HPGD: variants seen among roughly 807,000 people sequenced by gnomAD.
The protein encoded by HPGD is 15-hydroxyprostaglandin dehydrogenase, also known as 15-hydroxyprostaglandin dehydrogenase [NAD(+)].
In HPGD, 29 loss-of-function variants were observed where a neutral mutation model predicts 30.0. That is an observed-to-expected ratio of 0.97 (90% CI 0.72 to 1.32). The LOEUF (loss-of-function observed/expected upper bound fraction) is 1.32, where lower values mean the gene tolerates loss of function less well. Among genes scored for constraint, HPGD ranks in the 40% most tolerant of loss-of-function variants. HPGD has a pLI of 0.00. For missense variants in HPGD, 340 were observed against 322.1 expected (o/e 1.06, Z -0.43); for synonymous variants, 99 against 112.4 (o/e 0.88, Z 0.75).
chr4:174,495,523 G>A (rs752226230), intron 5 of HPGD, 25 bp downstream of exon 5: 1 of 1,530,030 alleles, frequency 6.5e-7, no homozygotes, highest in South Asian at 1.1e-5. Context: ...GAGAAAATGA[G>A]ATATGACGGT....
intron 3 of HPGD, among the ~76,000 whole-genome samples, chr4:174,513,815 A>G (rs1302566274): frequency 6.6e-6 from 1 of 152,066 alleles, no homozygotes; most frequent in Admixed American, 6.5e-5. Context: ...TTAAAAAATC[A>G]TCAGACAGCA....
intron 3 of HPGD, among the ~76,000 whole-genome samples, chr4:174,509,052 G>A (rs1051029849): frequency 3.9e-5 from 6 of 152,152 alleles, no homozygotes; most frequent in African/African-American, 1.2e-4. Context: ...GCTACAGGTT[G>A]TATTCCAAAA....
chr4:174,522,472 G>T lies in HPGD; in HGVS notation c.-21C>A. The T allele has an allele frequency of 1.3e-6, 2 of 1,528,624 alleles. No individual in the cohort carries two copies. The highest frequency in any genetic ancestry group is 1.8e-6 in the Non-Finnish European group (2 of 1,132,420). The allele number at this position is 1,528,624 out of a possible 1,614,324, so 94.7% of individuals were successfully genotyped here. The stretch of plus-strand genomic sequence containing the variant: ...TGCATGGTGCAGCCACTGCTGGGGC[G>T]GGCGGTGGGCGAGCTCCGCGTCTCC... On this transcript the variant is annotated 5_prime_UTR_variant, in exon 1 of 7. Coordinates refer to ENST00000296522, the MANE Select transcript of HPGD (RefSeq NM_000860.6).
chr4:174,510,512 T>A (rs2555630), intron 3 of HPGD, among the ~76,000 whole-genome samples: 8,735 of 152,326 alleles, frequency 0.057, 826 homozygotes, highest in African/African-American at 0.2. Context: ...GACACCCCAC[T>A]GTTGTGTTTT....
chr4:174,507,190 C>T (rs913616219), intron 4 of HPGD: 40 of 152,032 alleles, frequency 2.6e-4, no homozygotes, highest in African/African-American at 7.5e-4. Context: ...ATTGCCCGTG[C>T]GCTCACCTTT....
chr4:174,493,065 A>G lies in HPGD; in HGVS notation c.662+86T>C. 4 of 1,242,380 alleles carry G rather than the reference A, an allele frequency of 3.2e-6. No individual in the cohort carries two copies. In the East Asian group the frequency reaches 1.0e-4, roughly 32 times the overall value. 77.0% of individuals were successfully genotyped at this position (1,242,380 alleles called of 1,614,324 possible). ...AAGCTTGTGTTCATTTCTCAACTGT[A>G]TAAGCTTATTTCTTCCCTTTTTATA... On this transcript the variant is annotated intron_variant, in intron 6 of 6. Coordinates refer to ENST00000296522, the MANE Select transcript of HPGD (RefSeq NM_000860.6).
At chr4:174,497,568 CTTTTTTTTTT>C (rs778825547) in intron 4 of HPGD, among the ~76,000 whole-genome samples, 16 of 51,106 alleles carry the variant, frequency 3.1e-4, no homozygotes, top group East Asian at 7.2e-4. Flanking sequence ...CTTTTTCTTT[CTTTTTTTTTT>C]TTTTTTTTTT....
In HPGD at chr4:174,491,897, T is replaced by G. The variant is rs376494010; in HGVS notation, c.*59A>C. Reference sequence around the variant, plus strand: ...TTTAAAAGCTATATTCAAATGAAGATAGGATCTGAATATAAGCTATTTGTG... The same window carrying G: ...TTTAAAAGCTATATTCAAATGAAGAGAGGATCTGAATATAAGCTATTTGTG... On this transcript the variant is annotated 3_prime_UTR_variant, in exon 7 of 7. Transcript: ENST00000296522. 21 of 1,405,204 alleles carry G rather than the reference T, an allele frequency of 1.5e-5. No individual in the cohort carries two copies. The highest frequency in any genetic ancestry group is 1.1e-4 in the African/African-American group (8 of 70,988). The allele number at this position is 1,405,204 out of a possible 1,614,324, so 87.0% of individuals were successfully genotyped here.
In HPGD at chr4:174,502,560, C is replaced by T. The variant is rs761021722; in HGVS notation, c.421+6136G>A. Among the ~76,000 whole-genome samples, 17 of 152,120 alleles carry T rather than the reference C, an allele frequency of 1.1e-4. 1 individual carries two copies. Among genetic ancestry groups the T allele is most frequent in the Non-Finnish European group, 2.1e-4 (14 of 67,982 alleles). On this transcript the variant is annotated intron_variant, in intron 4 of 6. Coordinates refer to ENST00000296522, the MANE Select transcript of HPGD (RefSeq NM_000860.6). ...AGGCGTGGTGGCGGGCGCCTGTAGT[C>T]TCAGCTACTCAGGAGGCTGAGGCAG...
chr4:174,506,409 G>GGATAAA (rs1735193714), intron 4 of HPGD, among the ~76,000 whole-genome samples: 1 of 152,062 alleles, frequency 6.6e-6, no homozygotes, highest in African/African-American at 2.4e-5. Context: ...TGTTAGGCTG[G>GGATAAA]GATAAATACA....
chr4:174,497,002 T>C (rs560476289), intron 4 of HPGD, among the ~76,000 whole-genome samples: 48 of 152,318 alleles, frequency 3.2e-4, no homozygotes, highest in South Asian at 3.1e-3. Flanking sequence ...CAACAAGAAT[T>C]TATGATGTTT....
intron 3 of HPGD, among the ~76,000 whole-genome samples, chr4:174,510,801 T>C (rs181965103): frequency 7.2e-5 from 11 of 152,294 alleles, no homozygotes; most frequent in Non-Finnish European, 1.0e-4. Flanking sequence ...CTAGATTATA[T>C]ACGCATGTGC....
intron 3 of HPGD, among the ~76,000 whole-genome samples, chr4:174,517,542 T>C (rs1735853431): frequency 6.6e-6 from 1 of 152,216 alleles, no homozygotes; most frequent in African/African-American, 2.4e-5. Context: ...AATTCTTAAA[T>C]GAATGACTGT....
rs1247167486 is a variant in HPGD, at chr4:174,493,271, A to G, written c.542T>C (p.Ile181Thr). The change falls in exon 6 of 7, where the codon ATT (isoleucine) becomes ACT (threonine). Residue 181 changes from isoleucine (I) to threonine (T), a missense_variant. Coordinates refer to ENST00000296522, the MANE Select transcript of HPGD (RefSeq NM_000860.6). ...LMNSGVRLNA[I>T]CPGFVNTAIL... Reference sequence around the variant, plus strand: ...GGCTGTGTTAACAAAGCCTGGACAAATGGCATTCAGTCTCACACCACTGTT... The same window carrying G: ...GGCTGTGTTAACAAAGCCTGGACAAGTGGCATTCAGTCTCACACCACTGTT... The G allele has an allele frequency of 6.2e-7, 1 of 1,613,356 alleles. No individual in the cohort carries two copies. Among genetic ancestry groups the G allele is most frequent in the South Asian group, 1.1e-5 (1 of 91,070 alleles).
In HPGD at chr4:174,511,366, T is replaced by A. The variant is rs181298425; in HGVS notation, c.325-2574A>T. ...ACTGTTCAAGGTCATTGCCAAGGTC[T>A]AATTTTTAACTCATGCAAAAATTCA... is the stretch of plus-strand genomic sequence containing the variant. On this transcript the variant is annotated intron_variant, in intron 3 of 6. Transcript: ENST00000296522. Among the ~76,000 whole-genome samples, 107 of 152,378 alleles carry A rather than the reference T, an allele frequency of 7.0e-4. 4 individuals carry two copies. The East Asian group carries it at 0.011, about 15-fold the overall frequency.
At chr4:174,499,630 A>G (rs1734807292) in intron 4 of HPGD, among the ~76,000 whole-genome samples, 1 of 152,092 alleles carries the variant, frequency 6.6e-6, no homozygotes, top group African/African-American at 2.4e-5. Flanking sequence ...AACAGATCTT[A>G]TGGAGGCTGC....
At chr4:174,499,171 CG>C (rs1412406514) in intron 4 of HPGD, among the ~76,000 whole-genome samples, 1 of 152,084 alleles carries the variant, frequency 6.6e-6, no homozygotes, top group Non-Finnish European at 1.5e-5. Flanking sequence ...TAAGTGTGCA[CG>C]GTATGACTCT....
rs758529841 is a variant in HPGD, at chr4:174,508,794, T to C, written c.325-2A>G. On this transcript the variant is annotated splice_acceptor_variant, in intron 3 of 6. Transcript: ENST00000296522. LOFTEE classifies it high-confidence loss of function. The stretch of plus-strand genomic sequence containing the variant: ...ATAGGTTCCACTGATAACAGAAACC[T>C]AATCCAGAGGCATAAGTGAGAAAAG... The C allele has an allele frequency of 6.6e-7, 1 of 1,516,636 alleles. No individual in the cohort carries two copies. Among genetic ancestry groups the C allele is most frequent in the Admixed American group, 1.7e-5 (1 of 59,888 alleles). The allele number at this position is 1,516,636 out of a possible 1,614,324, so 93.9% of individuals were successfully genotyped here.
intron 1 of HPGD, 93 bp downstream of exon 1, chr4:174,522,266 G>C: frequency 7.3e-7 from 1 of 1,371,134 alleles, no homozygotes; most frequent in Non-Finnish European, 1.0e-6. Flanking sequence ...CGCCGGGCGC[G>C]GCCTCCCTGT....
Sources: gnomAD v4.1 joint callset for allele counts (sites outside exome capture counted in the v4.1 genomes callset) on GRCh38, gnomAD v4.1.1 for gene constraint, MANE v1.5 for transcripts, NCBI Gene and HGNC (gene_info 2026-07-23, HGNC 2026-07-21) for gene names.